ABI3BP: variants seen among roughly 807,000 people sequenced by gnomAD.
The protein encoded by ABI3BP is target of Nesh-SH3.
In ABI3BP, 216 loss-of-function variants were observed where a neutral mutation model predicts 268.6. The observed-to-expected ratio is 0.80, with a 90% confidence interval of 0.72 to 0.90. The LOEUF is 0.90. ABI3BP is among the 40% of genes least tolerant of loss of function. The pLI is 0.00. For missense variants in ABI3BP, 2,090 were observed against 2,182.4 expected (o/e 0.96, Z 0.84); for synonymous variants, 730 against 730.0 (o/e 1.00, Z 0.00).
intron 44 of ABI3BP, among the ~76,000 whole-genome samples, chr3:100,815,392 A>G (rs78917629): frequency 0.01 from 1,551 of 152,270 alleles, 33 homozygotes; most frequent in African/African-American, 0.035. Context: ...AGCGAAGATT[A>G]AGAGCCATTA....
intron 1 of ABI3BP, among the ~76,000 whole-genome samples, chr3:100,936,402 A>G (rs1447292937): frequency 6.6e-6 from 1 of 152,196 alleles, no homozygotes; most frequent in Non-Finnish European, 1.5e-5. Context: ...GGATTTTTGC[A>G]TCAATGTTCA....
intron 63 of ABI3BP, among the ~76,000 whole-genome samples, chr3:100,763,583 A>T (rs1045813849): frequency 6.6e-6 from 1 of 152,138 alleles, no homozygotes; most frequent in East Asian, 1.9e-4. Flanking sequence ...AAAAGACAGG[A>T]GCAATAAACA....
intron 34 of ABI3BP, among the ~76,000 whole-genome samples, chr3:100,828,136 AGAATAT>A (rs2098421989): frequency 6.6e-6 from 1 of 152,190 alleles, no homozygotes; most frequent in African/African-American, 2.4e-5. Flanking sequence ...GAACCTCGCG[AGAATAT>A]GTCAAATCTC....
At chr3:100,859,320 T>C (rs979631858) in intron 14 of ABI3BP, among the ~76,000 whole-genome samples, 61 of 152,290 alleles carry the variant, frequency 4.0e-4, no homozygotes, top group African/African-American at 1.1e-3. Flanking sequence ...TTGGTGCAAA[T>C]GTAATTGTGG....
In ABI3BP at chr3:100,829,590, T is replaced by C; in HGVS notation, c.2533A>G (p.Thr845Ala). Residue 845 changes from threonine to alanine, a missense_variant, in exon 33 of 68, where the codon ACT becomes GCT. By Grantham distance (58) the Thr-to-Ala change is moderately conservative (BLOSUM62 0). Transcript: ENST00000471714. ...KTTLSPEELQTELVPATIFEP... is the reference protein window; with the variant it reads ...KTTLSPEELQAELVPATIFEP... ...TGACCTACAAATTTACCCAGTTCAG[T>C]CTGAAGCTCTTCGGGACTCAGTGTG... 6.5e-7 allele frequency: 1 copy of C among 1,535,494 alleles called. No individual in the cohort carries two copies. Among genetic ancestry groups the C allele is most frequent in the East Asian group, 2.4e-5 (1 of 40,884 alleles).
intron 6 of ABI3BP, among the ~76,000 whole-genome samples, chr3:100,878,517 G>A (rs991818512): frequency 3.9e-5 from 6 of 152,182 alleles, no homozygotes; most frequent in African/African-American, 9.7e-5. Flanking sequence ...GAGGAATGAC[G>A]CAGATATAAT....
intron 61 of ABI3BP, among the ~76,000 whole-genome samples, chr3:100,772,559 A>G (rs2096579042): frequency 1.3e-5 from 2 of 152,184 alleles, no homozygotes; most frequent in Admixed American, 1.3e-4. Flanking sequence ...AAAGATACAT[A>G]CTATAAACCC....
chr3:100,804,527 A>T (rs2152402281), intron 51 of ABI3BP, among the ~76,000 whole-genome samples: 1 of 152,272 alleles, frequency 6.6e-6, no homozygotes, highest in Non-Finnish European at 1.5e-5. Flanking sequence ...ATTTTTTGTA[A>T]GTCAGGGAAT....
chr3:100,762,113 T>TA (rs2095999265), intron 63 of ABI3BP, among the ~76,000 whole-genome samples: 1 of 152,244 alleles, frequency 6.6e-6, no homozygotes, highest in Non-Finnish European at 1.5e-5. Context: ...ATTATTTTTT[T>TA]ACAGCTAACA....
intron 2 of ABI3BP, among the ~76,000 whole-genome samples, chr3:100,921,631 A>G (rs535910052): frequency 1.4e-4 from 21 of 152,278 alleles, no homozygotes; most frequent in African/African-American, 5.1e-4. Context: ...TGGGGAAAAT[A>G]CTGTTTTTCC....
chr3:100,919,985 G>C (rs1373042877), intron 2 of ABI3BP, among the ~76,000 whole-genome samples: 2 of 152,166 alleles, frequency 1.3e-5, no homozygotes, highest in South Asian at 2.1e-4. Context: ...CTTTGGGAGA[G>C]AGCTGTGTGT....
At chr3:100,954,148 T>G (rs1009321280) in intron 1 of ABI3BP, among the ~76,000 whole-genome samples, 12 of 152,210 alleles carry the variant, frequency 7.9e-5, no homozygotes, top group Admixed American at 7.9e-4. Context: ...GATATTTACC[T>G]TTTAATTATT....
chr3:100,880,340 C>T lies in ABI3BP; in HGVS notation c.697-3780G>A, dbSNP rs111310722. 2.6e-3 allele frequency among the ~76,000 whole-genome samples: 403 copies of T among 152,278 alleles called. 3 individuals carry two copies. Among genetic ancestry groups the T allele is most frequent in the African/African-American group, 9.3e-3 (386 of 41,552 alleles). On this transcript the variant is annotated intron_variant, in intron 6 of 67. Coordinates refer to ENST00000471714, the MANE Select transcript of ABI3BP (RefSeq NM_001375547.2). The stretch of plus-strand genomic sequence containing the variant: ...TGGCTCTCTTTTCCCTACAGCTTGC[C>T]GATTCCCCCATTCTTGCTGCAAACC...
rs989951696 is a variant in ABI3BP at position 100,811,790 on chromosome 3, T to C, written c.3431A>G (p.Lys1144Arg). 3.9e-6 allele frequency: 6 copies of C among 1,535,356 alleles called. No individual in the cohort carries two copies. The highest frequency in any genetic ancestry group is 1.4e-5 in the African/African-American group (1 of 73,000). The change falls in exon 47 of 68, where the codon AAA (lysine) becomes AGA (arginine). Residue 1144 changes from lysine (K) to arginine (R), a missense_variant. Coordinates refer to ENST00000471714, the MANE Select transcript of ABI3BP (RefSeq NM_001375547.2). ...ESPKETIAPA[K>R]TDYVYPTAKA... ...GGCAGTGGGATATACATAGTCTGTT[T>C]TGGCTGGTGCTAGGGAAGAAACGGG... is the stretch of plus-strand genomic sequence containing the variant.
At chr3:100,761,314 C>A (rs2095932124) in intron 63 of ABI3BP, among the ~76,000 whole-genome samples, 1 of 152,146 alleles carries the variant, frequency 6.6e-6, no homozygotes, top group African/African-American at 2.4e-5. Flanking sequence ...TCTTTTGCAT[C>A]ATTTGACTAA....
At chr3:100,778,032 A>G (rs942320054) in intron 59 of ABI3BP, among the ~76,000 whole-genome samples, 3 of 152,218 alleles carry the variant, frequency 2.0e-5, no homozygotes, top group African/African-American at 4.8e-5. Context: ...GTCAGCTTCA[A>G]TCTAGGCTCC....
At chr3:100,850,766 CAGT>C in intron 15 of ABI3BP, 32 bp from the exon 16 acceptor site, 1 of 1,495,480 alleles carries the variant, frequency 6.7e-7, no homozygotes, top group Non-Finnish European at 9.3e-7. Context: ...TTTGTAAAAG[CAGT>C]AGAAGGCCCC....
At chr3:100,792,846 C>G in intron 54 of ABI3BP, 78 bp from the exon 55 acceptor site, 1 of 1,185,898 alleles carries the variant, frequency 8.4e-7, no homozygotes, top group African/African-American at 1.5e-5. Context: ...ATACTCTTTT[C>G]TGTCCCATGC....
intron 44 of ABI3BP, among the ~76,000 whole-genome samples, chr3:100,814,250 C>T (rs763252960): frequency 3.3e-5 from 5 of 152,026 alleles, no homozygotes; most frequent in Non-Finnish European, 5.9e-5. Flanking sequence ...AAATTAAGTT[C>T]TCATGGACTA....
Sources: allele counts gnomAD v4.1 joint callset (sites outside exome capture counted in the v4.1 genomes callset), GRCh38; gene constraint gnomAD v4.1.1; transcripts MANE v1.5; gene names NCBI Gene and HGNC (gene_info 2026-07-23, HGNC 2026-07-21).